The following RSPH14 variants were observed in gnomAD, a reference collection of about 807,000 sequenced individuals.
RSPH14 encodes radial spoke head 14 homolog, also known as rhabdoid tumor deletion region gene 1.
RSPH14 carries 20 observed loss-of-function variants against 26.7 expected under a neutral mutation model. The ratio of observed to expected loss-of-function variants is 0.75; its 90% confidence interval spans 0.53 to 1.09. RSPH14 has a LOEUF of 1.09. Ranked by LOEUF, RSPH14 falls within the 50% of genes least tolerant of loss-of-function variation. RSPH14 has a pLI of 0.00. For missense variants in RSPH14, 449 were observed against 457.2 expected, an observed-to-expected ratio of 0.98 and a Z score of 0.16; for synonymous variants, 177 against 189.3, an observed-to-expected ratio of 0.93 and a Z score of 0.53.
chr22:23,131,093 G>A (rs2070352769), intron 4 of RSPH14: 1 of 153,286 alleles, frequency 6.5e-6, no homozygotes, highest in South Asian at 2.1e-4. Context: ...CCTGGGATGG[G>A]TGAGTGTATC....
At position 23,061,786 on chromosome 22, in the gene RSPH14, TGCG is replaced by T. The variant is rs760483020; in HGVS notation, c.790+20_790+22del. 9 of 1,611,764 alleles carry T rather than the reference TGCG, an allele frequency of 5.6e-6. No homozygotes were observed. In the South Asian group the frequency reaches 9.9e-5, roughly 18 times the overall value. ...GCTAGCCTGCTAGGGTCTCCCTCCC[TGCG>T]GCACCCCCCACCGCCTCACCTTCAG... is the stretch of plus-strand genomic sequence containing the variant. On this transcript the variant is annotated intron_variant, in intron 6 of 6. Coordinates refer to ENST00000216036, the MANE Select transcript of RSPH14 (RefSeq NM_014433.3).
chr22:23,120,693 T>G (rs2146395441), intron 4 of RSPH14, among the ~76,000 whole-genome samples: 1 of 152,090 alleles, frequency 6.6e-6, no homozygotes, highest in Non-Finnish European at 1.5e-5. Flanking sequence ...GTCCATACCC[T>G]GCTGGTGGCC....
chr22:23,180,592 A>AGCGGCAG, the RSPH14 span: 19 of 182,138 alleles, frequency 1.0e-4, no homozygotes, highest in East Asian at 7.4e-4. Context: ...CGGCGGCGGC[A>AGCGGCAG]CGGCGGCGGC....
the RSPH14 span, chr22:23,155,848 C>T: frequency 1.2e-6 from 1 of 832,068 alleles, no homozygotes. Context: ...CTTCCTGAAG[C>T]CCATGCAGCT....
In RSPH14 at chr22:23,059,646, G is replaced by C; in HGVS notation, c.863C>G (p.Ala288Gly). The change falls in exon 7 of 7, where the codon GCG (alanine) becomes GGG (glycine). Residue 288 changes from alanine to glycine, a missense_variant. Ala to Gly is a moderately conservative substitution (Grantham distance 60). Coordinates refer to ENST00000216036, the MANE Select transcript of RSPH14 (RefSeq NM_014433.3). The stretch of plus-strand genomic sequence containing the variant: ...AAGGGCCTTGGTGGCATTCAGGCGC[G>C]CTATGGTCATGGGGGAGTGCAGCAG... ...LELLHSPMTI[A>G]RLNATKALTM... is the part of the protein sequence containing the mutation. 1 of 1,605,066 alleles carries C rather than the reference G, an allele frequency of 6.2e-7. No homozygotes were observed. Among genetic ancestry groups the C allele is most frequent in the Middle Eastern group, 1.7e-4 (1 of 5,880 alleles).
chr22:23,118,345 A>G (rs1348399020), intron 4 of RSPH14, among the ~76,000 whole-genome samples: 1 of 152,358 alleles, frequency 6.6e-6, no homozygotes, highest in East Asian at 1.9e-4. Flanking sequence ...TGTGCAGACA[A>G]ACCCCAGCCT....
the RSPH14 span, among the ~76,000 whole-genome samples, chr22:23,168,391 T>G: frequency 1.3e-5 from 2 of 152,014 alleles, no homozygotes; most frequent in Non-Finnish European, 2.9e-5. Flanking sequence ...AGAAGACATG[T>G]GGGGGGTTTC....
the RSPH14 span, chr22:23,161,896 A>C: frequency 8.9e-6 from 3 of 336,218 alleles, no homozygotes; most frequent in Non-Finnish European, 1.7e-5. Flanking sequence ...CAGAACTGCA[A>C]ACTCCTGCGT....
chr22:23,088,951 G>A (rs1377789967), intron 4 of RSPH14, among the ~76,000 whole-genome samples: 2 of 152,230 alleles, frequency 1.3e-5, no homozygotes, highest in African/African-American at 2.4e-5. Flanking sequence ...CCCAGTCACA[G>A]TCTGGGTACA....
chr22:23,135,646 C>CA (rs901432888), intron 3 of RSPH14, among the ~76,000 whole-genome samples: 4 of 151,432 alleles, frequency 2.6e-5, no homozygotes, highest in Middle Eastern at 3.2e-3. Context: ...ATGGTTTAAG[C>CA]AAAAAAAATA....
intron 4 of RSPH14, chr22:23,096,534 C>A: frequency 9.2e-7 from 1 of 1,083,624 alleles, no homozygotes. Flanking sequence ...AGGCGCAGGC[C>A]TGGCCCTGCT....
chr22:23,134,534 C>A (rs1316077906), intron 3 of RSPH14, among the ~76,000 whole-genome samples: 2 of 141,956 alleles, frequency 1.4e-5, no homozygotes, highest in African/African-American at 5.3e-5. Context: ...CAAAATTGAG[C>A]CCCAACTCCC....
chr22:23,155,751 C>T, the RSPH14 span, among the ~76,000 whole-genome samples: 2 of 152,226 alleles, frequency 1.3e-5, no homozygotes, highest in Non-Finnish European at 2.9e-5. Flanking sequence ...CACCCCCATC[C>T]ACTAGGAATG....
At chr22:23,082,455 G>T (rs1265764169) in intron 4 of RSPH14, among the ~76,000 whole-genome samples, 3 of 149,674 alleles carry the variant, frequency 2.0e-5, no homozygotes, top group African/African-American at 7.4e-5. Flanking sequence ...AACTGACTTC[G>T]TGATCCACCT....
At chr22:23,068,877 G>A (rs953616389) in intron 4 of RSPH14, among the ~76,000 whole-genome samples, 1 of 152,208 alleles carries the variant, frequency 6.6e-6, no homozygotes, top group African/African-American at 2.4e-5. Flanking sequence ...GCCTGACACA[G>A]CCTGGTGGTG....
intron 4 of RSPH14, among the ~76,000 whole-genome samples, chr22:23,107,203 G>A (rs2069508613): frequency 6.6e-6 from 1 of 152,144 alleles, no homozygotes; most frequent in Non-Finnish European, 1.5e-5. Context: ...AGGGGGGAGG[G>A]GGCCACCGGC....
At chr22:23,166,807 C>T in the RSPH14 span, among the ~76,000 whole-genome samples, 274 of 152,300 alleles carry the variant, frequency 1.8e-3, 2 homozygotes, top group African/African-American at 6.3e-3. Context: ...CACCACCCAC[C>T]ACCCACTGGA....
upstream of RSPH14, among the ~76,000 whole-genome samples, chr22:23,148,538 C>A (rs2070932050): frequency 6.6e-6 from 1 of 152,160 alleles, no homozygotes; most frequent in African/African-American, 2.4e-5. Context: ...CTTAGGGAAT[C>A]CATCCTGGTT....
In RSPH14 at chr22:23,123,308, G is replaced by A. The variant is rs763865932; in HGVS notation, c.421+10718C>T. 4 of 1,613,988 alleles carry A rather than the reference G, an allele frequency of 2.5e-6. No homozygotes were observed. In the South Asian group the frequency reaches 4.4e-5, roughly 18 times the overall value. ...AGTTTGAAGACCTGAACCGCAACAA[G>A]GAGACCAAGGAGATCTACTCCCACT... On this transcript the variant is annotated intron_variant, in intron 4 of 6. Coordinates refer to ENST00000216036, the MANE Select transcript of RSPH14 (RefSeq NM_014433.3).
Sources: gnomAD v4.1 joint callset for allele counts (sites outside exome capture counted in the v4.1 genomes callset) on GRCh38, gnomAD v4.1.1 for gene constraint, MANE v1.5 for transcripts, NCBI Gene and HGNC (gene_info 2026-07-23, HGNC 2026-07-21) for gene names.